DLGAP4: variants seen among roughly 807,000 people sequenced by gnomAD.
DLGAP4 encodes the protein DLG associated protein 4, also known as disks large-associated protein 4.
In DLGAP4, 18 loss-of-function variants were observed where a neutral mutation model predicts 86.9. That is an observed-to-expected ratio of 0.21 (90% confidence interval 0.14 to 0.31). DLGAP4 has a LOEUF of 0.31. Among genes scored for constraint, DLGAP4 ranks in the 10% least tolerant of loss-of-function variants. The probability of loss-of-function intolerance (pLI) is 1.00; values close to 1 mark genes in which losing one functional copy is unlikely to be tolerated. For synonymous variants in DLGAP4, 548 were observed against 574.3 expected, an observed-to-expected ratio of 0.95 and a Z score of 0.65; for missense variants, 1,085 against 1,362.6, an observed-to-expected ratio of 0.80 and a Z score of 3.21.
At chr20:36,510,662 C>T (rs545194654) in intron 10 of DLGAP4, among the ~76,000 whole-genome samples, 1 of 152,126 alleles carries the variant, frequency 6.6e-6, no homozygotes, top group Non-Finnish European at 1.5e-5. Flanking sequence ...CCGCCTGCCT[C>T]GGCCTCCCAA....
At chr20:36,477,058 C>T (rs1437339100) in intron 7 of DLGAP4, among the ~76,000 whole-genome samples, 1 of 151,434 alleles carries the variant, frequency 6.6e-6, no homozygotes, top group Non-Finnish European at 1.5e-5. Flanking sequence ...GAATAATTAA[C>T]TCTTATGGTA....
At chr20:36,407,647 T>G (rs1037596880) in intron 2 of DLGAP4, among the ~76,000 whole-genome samples, 21 of 152,056 alleles carry the variant, frequency 1.4e-4, no homozygotes, top group African/African-American at 5.1e-4. Flanking sequence ...GCAGAAGATA[T>G]GGCAACCGGC....
At position 36,500,471 on chromosome 20, in the gene DLGAP4, C is replaced by G; in HGVS notation, c.2372C>G (p.Pro791Arg). 6.3e-7 allele frequency: 1 copy of G among 1,591,258 alleles called. No homozygotes were observed. Among genetic ancestry groups the G allele is most frequent in the South Asian group, 1.1e-5 (1 of 87,906 alleles). ...TGGCTCGAGACCTCCTCCAGCTCCC[C>G]AGCAGAGCCGGCACAGCCAGGGGCC... ...DPWLETSSSSPAEPAQPGACR... is the reference protein window; with the variant it reads ...DPWLETSSSSRAEPAQPGACR... Residue 791 changes from proline (P) to arginine (R), a missense_variant, in exon 10 of 13, where the codon CCA becomes CGA. This residue lies in a region of DLGAP4 where 1,082 missense variants were observed against 1,344.1 expected (regional missense o/e 0.81). Transcript: ENST00000339266. The surrounding 1 kb of genome is among the most constrained non-coding windows in gnomAD (Gnocchi z 4.6).
rs2033600681 is a variant in DLGAP4 at position 36,446,687 on chromosome 20, G to A, written c.1408-10G>A. On this transcript the variant is annotated splice_polypyrimidine_tract_variant and intron_variant, in intron 6 of 12. Coordinates refer to ENST00000339266, the MANE Select transcript of DLGAP4 (RefSeq NM_001365621.2). ...AGCCAGCTCCCTCATGCCTGCCTTTGCCTGGACAGGTACGGGAGGCAGAGC... is the reference window on the plus strand; with the variant it reads ...AGCCAGCTCCCTCATGCCTGCCTTTACCTGGACAGGTACGGGAGGCAGAGC... The A allele has an allele frequency of 1.3e-6, 2 of 1,590,738 alleles. No individual in the cohort carries two copies. The highest frequency in any genetic ancestry group is 1.7e-6 in the Non-Finnish European group (2 of 1,163,248).
intron 7 of DLGAP4, among the ~76,000 whole-genome samples, chr20:36,469,305 C>A (rs2034554643): frequency 6.6e-6 from 1 of 152,184 alleles, no homozygotes; most frequent in South Asian, 2.1e-4. Flanking sequence ...CCACCCCAGG[C>A]TCCTAACCTG....
At chr20:36,332,302 C>T (rs868972356) in intron 1 of DLGAP4, among the ~76,000 whole-genome samples, 6 of 152,146 alleles carry the variant, frequency 3.9e-5, no homozygotes, top group Non-Finnish European at 7.4e-5. Context: ...CCGATCTCCA[C>T]GGCCCCCCTC....
intron 7 of DLGAP4, among the ~76,000 whole-genome samples, chr20:36,453,327 G>A (rs1367784968): frequency 3.9e-5 from 6 of 152,130 alleles, no homozygotes; most frequent in Non-Finnish European, 8.8e-5. Context: ...CTGCACTTCA[G>A]CCTGTGTGAC....
chr20:36,329,838 C>A (rs1400630451), intron 1 of DLGAP4, among the ~76,000 whole-genome samples: 2 of 152,210 alleles, frequency 1.3e-5, no homozygotes, highest in Non-Finnish European at 2.9e-5. Context: ...CAAGACCAGC[C>A]TGGCCAACAT....
intron 2 of DLGAP4, among the ~76,000 whole-genome samples, chr20:36,389,108 G>C (rs934040507): frequency 6.6e-6 from 1 of 152,202 alleles, no homozygotes; most frequent in Non-Finnish European, 1.5e-5. Flanking sequence ...GTTTAGACAT[G>C]ACAAGTTGGC....
chr20:36,379,039 A>G (rs1240642748), intron 2 of DLGAP4, among the ~76,000 whole-genome samples: 1 of 152,130 alleles, frequency 6.6e-6, no homozygotes, highest in Non-Finnish European at 1.5e-5. Flanking sequence ...AGCTAGCGAC[A>G]CTCTGGGTGA....
chr20:36,512,238 G>A (rs1487777904), intron 10 of DLGAP4, among the ~76,000 whole-genome samples: 1 of 151,708 alleles, frequency 6.6e-6, no homozygotes, highest in African/African-American at 2.4e-5. Flanking sequence ...TTTTAATAGA[G>A]ATGGAGTTTC....
At chr20:36,463,248 C>G (rs1373560278) in intron 7 of DLGAP4, among the ~76,000 whole-genome samples, 1 of 152,166 alleles carries the variant, frequency 6.6e-6, no homozygotes, top group Admixed American at 6.5e-5. Context: ...TGAGCGAGAC[C>G]CTTGTCCTCT....
At chr20:36,450,150 T>C (rs1240241743) in intron 7 of DLGAP4, among the ~76,000 whole-genome samples, 2 of 152,000 alleles carry the variant, frequency 1.3e-5, no homozygotes, top group African/African-American at 4.8e-5. Context: ...TTCTCACCTT[T>C]GTGTAGGAAA....
intron 7 of DLGAP4, among the ~76,000 whole-genome samples, chr20:36,452,743 C>T (rs1436404828): frequency 6.6e-6 from 1 of 151,680 alleles, no homozygotes; most frequent in Non-Finnish European, 1.5e-5. Context: ...CGTCTGACCT[C>T]AAGTGATCTG....
At chr20:36,491,243 T>A (rs1295248110) in intron 7 of DLGAP4, among the ~76,000 whole-genome samples, 1 of 150,462 alleles carries the variant, frequency 6.6e-6, no homozygotes, top group African/African-American at 2.4e-5. Flanking sequence ...TAAATACAGT[T>A]TGGAGGATAA....
At chr20:36,385,183 G>A (rs2031550742) in intron 2 of DLGAP4, among the ~76,000 whole-genome samples, 1 of 152,030 alleles carries the variant, frequency 6.6e-6, no homozygotes, top group African/African-American at 2.4e-5. Flanking sequence ...ACGAAGATGA[G>A]GAAATACTGT....
chr20:36,478,974 C>T (rs1311253155), intron 7 of DLGAP4, among the ~76,000 whole-genome samples: 3 of 152,146 alleles, frequency 2.0e-5, no homozygotes, highest in African/African-American at 7.2e-5. Context: ...CATCTGGCAA[C>T]TGTGATTATT....
intron 1 of DLGAP4, among the ~76,000 whole-genome samples, chr20:36,310,256 C>A (rs2065042747): frequency 9.4e-5 from 14 of 149,696 alleles, no homozygotes; most frequent in African/African-American, 2.7e-4. Flanking sequence ...AAAAGAATTG[C>A]ATGGATAAAG....
intron 2 of DLGAP4, among the ~76,000 whole-genome samples, chr20:36,394,830 C>T (rs1484970933): frequency 6.6e-6 from 1 of 152,176 alleles, no homozygotes; most frequent in Non-Finnish European, 1.5e-5. Context: ...CTCCAGGTTC[C>T]AGCAGTGCTT....
Sources: allele counts gnomAD v4.1 joint callset (sites outside exome capture counted in the v4.1 genomes callset), GRCh38; gene constraint gnomAD v4.1.1; regional missense constraint gnomAD v4.1.1; non-coding constraint Gnocchi (gnomAD v3.1); transcripts MANE v1.5; gene names NCBI Gene and HGNC (gene_info 2026-07-23, HGNC 2026-07-21).